The following ABCC1 variants were observed in gnomAD, a reference collection of about 807,000 sequenced individuals.
The protein encoded by ABCC1 is multidrug resistance-associated protein 1.
In ABCC1, 83 loss-of-function variants were observed where a neutral mutation model predicts 172.9. That is an observed-to-expected ratio of 0.48 (90% CI 0.40 to 0.58). The LOEUF is 0.58. Among genes scored for constraint, ABCC1 ranks in the 20% least tolerant of loss-of-function variants. The probability of loss-of-function intolerance (pLI) is 0.00; values close to 1 mark genes in which losing one functional copy is unlikely to be tolerated. For synonymous variants in ABCC1, 937 were observed against 825.2 expected (o/e 1.14, Z -2.32); for missense variants, 1,817 against 2,002.7 (o/e 0.91, Z 1.77).
chr16:16,049,440 A>G (rs1288672943), intron 10 of ABCC1, among the ~76,000 whole-genome samples: 1 of 152,184 alleles, frequency 6.6e-6, no homozygotes, highest in African/African-American at 2.4e-5. Flanking sequence ...AAATAAAATG[A>G]TAAGCAAAGA....
At chr16:16,060,515 G>C (rs565850808) in intron 12 of ABCC1, among the ~76,000 whole-genome samples, 7 of 152,068 alleles carry the variant, frequency 4.6e-5, no homozygotes, top group Non-Finnish European at 5.9e-5. Flanking sequence ...GTGCGTTGAT[G>C]AACTCTCTCT....
intron 17 of ABCC1, among the ~76,000 whole-genome samples, chr16:16,085,275 C>A (rs372991376): frequency 1.8e-4 from 28 of 152,332 alleles, no homozygotes; most frequent in Non-Finnish European, 3.5e-4. Context: ...TCTGAGCCTT[C>A]AAGGCCTGGG....
chr16:16,099,287 G>A (rs2152047787), intron 19 of ABCC1, among the ~76,000 whole-genome samples: 1 of 152,348 alleles, frequency 6.6e-6, no homozygotes, highest in Admixed American at 6.5e-5. Flanking sequence ...CTGGGGCACA[G>A]TCAAGACACA....
chr16:16,073,868 A>G (rs908870971), intron 14 of ABCC1, among the ~76,000 whole-genome samples: 5 of 152,224 alleles, frequency 3.3e-5, no homozygotes, highest in Non-Finnish European at 4.4e-5. Context: ...CCAGAGTCCA[A>G]TGTCAGAAGA....
chr16:15,960,633 G>C (rs1273844869), intron 1 of ABCC1, among the ~76,000 whole-genome samples: 1 of 152,106 alleles, frequency 6.6e-6, no homozygotes. Context: ...AAACTACTAC[G>C]GAGGGATGTC....
chr16:16,125,958 T>C, intron 26 of ABCC1, 47 bp downstream of exon 26: 1 of 1,465,376 alleles, frequency 6.8e-7, no homozygotes, highest in East Asian at 2.3e-5. Flanking sequence ...GGTGTAGCTT[T>C]ACCCCAAGGA....
chr16:16,013,576 A>G (rs917067729), intron 3 of ABCC1, among the ~76,000 whole-genome samples: 6 of 143,136 alleles, frequency 4.2e-5, no homozygotes, highest in Non-Finnish European at 7.7e-5. Flanking sequence ...TTTTTTTTTT[A>G]TCCCTACTCT....
intron 14 of ABCC1, 165 bp from the exon 15 acceptor site, chr16:16,076,161 A>G: frequency 1.5e-6 from 1 of 651,970 alleles, no homozygotes; most frequent in Non-Finnish European, 2.6e-6. Context: ...CTGCAGGTTG[A>G]GTTTCTTCTT....
intron 25 of ABCC1, 46 bp downstream of exon 25, chr16:16,124,961 G>A (rs772073937): frequency 6.2e-7 from 1 of 1,612,470 alleles, no homozygotes. Flanking sequence ...CTGTTAATGG[G>A]GGAGCCAGTT....
intron 11 of ABCC1, 53 bp from the exon 12 acceptor site, chr16:16,056,039 A>G (rs980158912): frequency 1.2e-5 from 18 of 1,507,534 alleles, no homozygotes; most frequent in Middle Eastern, 1.7e-4. Context: ...ATGTTGAGTG[A>G]TGGGCTGATC....
intron 1 of ABCC1, among the ~76,000 whole-genome samples, chr16:15,950,127 GGGACGCTAGAGATGGGGGGCGGGAAGA>G (rs1317463840): frequency 1.3e-5 from 2 of 151,974 alleles, no homozygotes; most frequent in African/African-American, 4.8e-5. Context: ...TCCAGGGAAG[GGGACGCTAGAGATGGGGGGCGGGAAGA>G]GGGGTGTCTC....
intron 1 of ABCC1, among the ~76,000 whole-genome samples, chr16:16,003,078 G>A (rs1311217575): frequency 6.6e-6 from 1 of 152,192 alleles, no homozygotes; most frequent in African/African-American, 2.4e-5. Context: ...ATGCATGGAT[G>A]GATAGTTGGT....
intron 14 of ABCC1, 80 bp from the exon 15 acceptor site, chr16:16,076,246 T>G: frequency 7.1e-7 from 1 of 1,401,732 alleles, no homozygotes; most frequent in South Asian, 1.2e-5. Context: ...GTTGAACCAT[T>G]CAAGCAGAGA....
intron 14 of ABCC1, among the ~76,000 whole-genome samples, chr16:16,075,685 C>A (rs1013515671): frequency 2.0e-5 from 3 of 152,206 alleles, no homozygotes; most frequent in African/African-American, 7.2e-5. Context: ...CCGACACTCT[C>A]CCCTTCCCTG....
At chr16:16,002,123 C>T (rs1056284412) in intron 1 of ABCC1, among the ~76,000 whole-genome samples, 4 of 152,058 alleles carry the variant, frequency 2.6e-5, no homozygotes, top group African/African-American at 7.2e-5. Flanking sequence ...CCCAGGAGAC[C>T]GATGGAAGTC....
chr16:16,092,340 T>A (rs554103664), intron 19 of ABCC1, among the ~76,000 whole-genome samples: 1 of 152,330 alleles, frequency 6.6e-6, no homozygotes, highest in African/African-American at 2.4e-5. Flanking sequence ...GAACTTTTTT[T>A]AATCACCCCC....
At chr16:16,116,280 T>C (rs73504225) in intron 23 of ABCC1, among the ~76,000 whole-genome samples, 1,955 of 152,074 alleles carry the variant, frequency 0.013, 39 homozygotes, top group African/African-American at 0.045. Context: ...TTTCAGTCAG[T>C]GAGATCAAGG....
At chr16:16,029,298 C>T (rs1025280794) in intron 5 of ABCC1, among the ~76,000 whole-genome samples, 3 of 152,158 alleles carry the variant, frequency 2.0e-5, no homozygotes, top group Non-Finnish European at 4.4e-5. Flanking sequence ...TCTCAGCTTG[C>T]TGCAACCTCT....
At chr16:16,023,870 G>C (rs902722035) in intron 5 of ABCC1, among the ~76,000 whole-genome samples, 1 of 152,162 alleles carries the variant, frequency 6.6e-6, no homozygotes, top group African/African-American at 2.4e-5. Flanking sequence ...AGAGCAACTG[G>C]CATGTGCAAA....
Sources: gnomAD v4.1 joint callset for allele counts (sites outside exome capture counted in the v4.1 genomes callset) on GRCh38, gnomAD v4.1.1 for gene constraint, MANE v1.5 for transcripts, NCBI Gene and HGNC (gene_info 2026-07-23, HGNC 2026-07-21) for gene names.